VPS35: variants seen among roughly 807,000 people sequenced by gnomAD.
The protein encoded by VPS35 is vacuolar protein sorting-associated protein 35.
In VPS35, 21 loss-of-function variants were observed where a neutral mutation model predicts 98.1. The observed-to-expected ratio is 0.21, with a 90% CI of 0.15 to 0.31. The LOEUF is 0.31. VPS35 is among the 10% of genes least tolerant of loss of function. VPS35 has a pLI of 1.00. For missense variants in VPS35, 554 were observed against 950.8 expected (o/e 0.58, Z 5.49); for synonymous variants, 268 against 318.2 (o/e 0.84, Z 1.68).
intron 12 of VPS35, among the ~76,000 whole-genome samples, chr16:46,670,966 A>G (rs1966059226): frequency 6.6e-6 from 1 of 152,096 alleles, no homozygotes; most frequent in Non-Finnish European, 1.5e-5. Context: ...TTGCCCAAAC[A>G]ATAATTAAGC....
intron 9 of VPS35, 21 bp downstream of exon 9, chr16:46,674,543 T>C (rs1163177845): frequency 1.2e-6 from 2 of 1,607,620 alleles, no homozygotes; most frequent in East Asian, 4.5e-5. Context: ...TTTGAGAACT[T>C]AGGAGAAATG....
intron 1 of VPS35, among the ~76,000 whole-genome samples, chr16:46,686,400 T>C (rs536938330): frequency 6.6e-6 from 1 of 152,286 alleles, no homozygotes; most frequent in East Asian, 1.9e-4. Flanking sequence ...AACATTTGTA[T>C]AGAATGACTA....
intron 13 of VPS35, 78 bp from the exon 14 acceptor site, chr16:46,663,240 AAATACTGT>A (rs1219728619): frequency 7.6e-7 from 1 of 1,320,940 alleles, no homozygotes; most frequent in African/African-American, 1.5e-5. Context: ...TAATAGAACA[AAATACTGT>A]AAGTTGTGTG....
chr16:46,661,778 C>A lies in VPS35; in HGVS notation c.2151G>T (p.Val717=). 1.2e-6 allele frequency: 2 copies of A among 1,613,952 alleles called. No homozygotes were observed. Among genetic ancestry groups the A allele is most frequent in the Non-Finnish European group, 8.5e-7 (1 of 1,179,872 alleles). The change falls in exon 16 of 17, where the codon GTG becomes GTT. Residue 717 remains valine (V), a synonymous_variant. Coordinates refer to ENST00000299138, the MANE Select transcript of VPS35 (RefSeq NM_018206.6). The surrounding 1 kb of genome is among the most constrained non-coding windows in gnomAD (Gnocchi z 4.3). Reference sequence around the variant, plus strand: ...TGTTCAGAATTTCTATAAAAAGCTGCACTTGTAGAGAGGGGTCCATGCACT... The same window carrying A: ...TGTTCAGAATTTCTATAAAAAGCTGAACTTGTAGAGAGGGGTCCATGCACT... ...ANQCMDPSLQ[V]QLFIEILNRY...
At chr16:46,677,474 GA>G (rs925601215) in intron 6 of VPS35, 76 bp from the exon 7 acceptor site, 3 of 1,176,880 alleles carry the variant, frequency 2.5e-6, no homozygotes, top group Non-Finnish European at 3.8e-6. Context: ...TAACGCATTT[GA>G]ACTACTAACT....
chr16:46,660,811 A>C, intron 16 of VPS35, 160 bp from the exon 17 acceptor site: 1 of 459,306 alleles, frequency 2.2e-6, no homozygotes, highest in Middle Eastern at 6.5e-4. Context: ...TTGAACAATT[A>C]CTGACTATCA....
rs1263740441 is a variant in VPS35 at position 46,656,764 on chromosome 16, T to C, written c.*3708A>G. The stretch of plus-strand genomic sequence containing the variant: ...GCTCATGCCTGTAATTCCAGCACTT[T>C]GGGAGGCTGAGCCAGGTGGATCACA... On this transcript the variant is annotated 3_prime_UTR_variant, in exon 17 of 17. Transcript: ENST00000299138. The C allele has an allele frequency of 6.6e-6, 1 of 152,414 alleles. No homozygotes were observed. The highest frequency in any genetic ancestry group is 1.9e-4 in the East Asian group (1 of 5,210). The allele number at this position is 152,414 out of a possible 1,614,324, so 9.4% of individuals were successfully genotyped here. A position where few individuals can be genotyped will look rare whatever the true frequency, so the allele number is the denominator to read the frequency against.
chr16:46,686,402 G>A (rs1315696141), intron 1 of VPS35, among the ~76,000 whole-genome samples: 2 of 152,102 alleles, frequency 1.3e-5, no homozygotes, highest in African/African-American at 2.4e-5. Flanking sequence ...CATTTGTATA[G>A]AATGACTAGA....
rs563682312 is a variant in VPS35, at chr16:46,656,323, G to A, written c.*4149C>T. The A allele has an allele frequency of 6.6e-6, 1 of 152,298 alleles. No homozygotes were observed. The highest frequency in any genetic ancestry group is 6.5e-5 in the Admixed American group (1 of 15,304). The allele number at this position is 152,298 out of a possible 1,614,324, so 9.4% of individuals were successfully genotyped here. On this transcript the variant is annotated 3_prime_UTR_variant, in exon 17 of 17. Transcript: ENST00000299138. ...GCAATTCAATGGACTTTAGTTTTGG[G>A]AGCAGACTTGAATTGCAGAACTGAA... is the stretch of plus-strand genomic sequence containing the variant.
chr16:46,683,273 G>A (rs571468416), intron 2 of VPS35: 1 of 569,364 alleles, frequency 1.8e-6, no homozygotes, highest in Admixed American at 3.0e-5. Context: ...ATTCTTATGA[G>A]CTTGTATTCT....
chr16:46,688,951 G>T (rs757888472), intron 1 of VPS35, 180 bp downstream of exon 1: 8 of 1,494,980 alleles, frequency 5.4e-6, no homozygotes, highest in Non-Finnish European at 7.1e-6. Context: ...ACCCCGGCCC[G>T]GATCAGCCTG....
chr16:46,659,627 TAC>T lies in VPS35; in HGVS notation c.*843_*844del, dbSNP rs1965876815. 6.6e-6 allele frequency: 1 copy of T among 152,152 alleles called. No homozygotes were observed. Among genetic ancestry groups the T allele is most frequent in the Admixed American group, 6.5e-5 (1 of 15,272 alleles). 9.4% of individuals were successfully genotyped at this position (152,152 alleles called of 1,614,324 possible). On this transcript the variant is annotated 3_prime_UTR_variant, in exon 17 of 17. Coordinates refer to ENST00000299138, the MANE Select transcript of VPS35 (RefSeq NM_018206.6). ...TTAAACTCTATAGCCATACTACTAG[TAC>T]TTTTTATCAATTAAAGATAGTATGA...
At chr16:46,667,381 T>A (rs1966005421) in intron 13 of VPS35, among the ~76,000 whole-genome samples, 1 of 152,212 alleles carries the variant, frequency 6.6e-6, no homozygotes. Context: ...ATGTATAGTT[T>A]GCAAATATTC....
chr16:46,665,464 A>G (rs1965974085), intron 13 of VPS35, among the ~76,000 whole-genome samples: 1 of 152,042 alleles, frequency 6.6e-6, no homozygotes, highest in African/African-American at 2.4e-5. Flanking sequence ...GTGTGGTGGC[A>G]CATGCTTGCA....
At chr16:46,676,417 A>G in intron 8 of VPS35, 166 bp downstream of exon 8, 2 of 617,954 alleles carry the variant, frequency 3.2e-6, no homozygotes, top group Non-Finnish European at 5.8e-6. Context: ...TCTAACCTAG[A>G]CAAGTACCTA....
At chr16:46,686,925 G>T (rs115310687) in intron 1 of VPS35, among the ~76,000 whole-genome samples, 6 of 152,224 alleles carry the variant, frequency 3.9e-5, no homozygotes, top group Non-Finnish European at 7.3e-5. Flanking sequence ...CAAAGATCAT[G>T]AACTGATCAC....
intron 13 of VPS35, among the ~76,000 whole-genome samples, chr16:46,668,540 A>G (rs959693141): frequency 9.2e-5 from 14 of 152,208 alleles, no homozygotes; most frequent in African/African-American, 3.4e-4. Flanking sequence ...TTGAGGAAGA[A>G]AAAAGCTCAT....
At chr16:46,672,921 C>G (rs1192701995) in intron 10 of VPS35, among the ~76,000 whole-genome samples, 2 of 152,166 alleles carry the variant, frequency 1.3e-5, no homozygotes, top group Non-Finnish European at 2.9e-5. Context: ...TCTTCTGCAT[C>G]AGATGTTGGT....
intron 1 of VPS35, among the ~76,000 whole-genome samples, chr16:46,685,237 G>A (rs1002420028): frequency 6.6e-6 from 1 of 152,178 alleles, no homozygotes; most frequent in Admixed American, 6.5e-5. Flanking sequence ...GAGTTGAAGA[G>A]GTGGAAGGCA....
Sources: gnomAD v4.1 joint callset for allele counts (sites outside exome capture counted in the v4.1 genomes callset) on GRCh38, gnomAD v4.1.1 for gene constraint, Gnocchi (gnomAD v3.1) non-coding constraint, MANE v1.5 for transcripts, NCBI Gene and HGNC (gene_info 2026-07-23, HGNC 2026-07-21) for gene names.